ELOVL4: variants seen among roughly 807,000 people sequenced by gnomAD.
ELOVL4 encodes ELOVL fatty acid elongase 4.
Under a neutral mutation model 42.1 loss-of-function variants are expected in ELOVL4, and 18 were observed. The ratio of observed to expected loss-of-function variants is 0.43; its 90% CI spans 0.30 to 0.63. The LOEUF is 0.63. Among genes scored for constraint, ELOVL4 ranks in the 30% least tolerant of loss-of-function variants. The probability of loss-of-function intolerance (pLI) is 0.15; values close to 1 mark genes in which losing one functional copy is unlikely to be tolerated. For synonymous variants in ELOVL4, 117 were observed against 127.0 expected (o/e 0.92, Z 0.53); for missense variants, 299 against 376.2 (o/e 0.79, Z 1.70).
intron 1 of ELOVL4, among the ~76,000 whole-genome samples, chr6:79,933,858 T>TA (rs1361202992): frequency 6.6e-6 from 1 of 152,300 alleles, no homozygotes; most frequent in South Asian, 2.1e-4. Context: ...GATAGGTAGA[T>TA]ACGAAGGTTT....
chr6:79,916,085 A>T lies in ELOVL4; in HGVS notation c.*523T>A, dbSNP rs988770797. 6.3e-6 allele frequency: 1 copy of T among 159,318 alleles called. No individual in the cohort carries two copies. The highest frequency in any genetic ancestry group is 1.8e-4 in the East Asian group (1 of 5,614). 9.9% of individuals were successfully genotyped at this position (159,318 alleles called of 1,614,324 possible). A position where few individuals can be genotyped will look rare whatever the true frequency, so the allele number is the denominator to read the frequency against. The stretch of plus-strand genomic sequence containing the variant: ...TAATTACAACCAAAATTATACTCTG[A>T]CTAGAGGTGGAGAGATTTGACCATT... On this transcript the variant is annotated 3_prime_UTR_variant, in exon 6 of 6. Transcript: ENST00000369816.
rs530801492 is a variant in ELOVL4 at position 79,947,382 on chromosome 6, C to G, written c.-103G>C. On this transcript the variant is annotated 5_prime_UTR_variant, in exon 1 of 6. Transcript: ENST00000369816. ...CGACGGGGCGAGCGGCGGCCGGGAA[C>G]CCCTCTAACGGCGGCGGCCCGGCTG... 3.7e-4 allele frequency: 326 copies of G among 883,164 alleles called. 1 individual carries two copies. The highest frequency in any genetic ancestry group is 2.6e-3 in the African/African-American group (159 of 60,602). 54.7% of individuals were successfully genotyped at this position (883,164 alleles called of 1,614,324 possible).
intron 5 of ELOVL4, among the ~76,000 whole-genome samples, chr6:79,919,077 T>C (rs1417933394): frequency 6.7e-6 from 1 of 149,974 alleles, no homozygotes; most frequent in Non-Finnish European, 1.5e-5. Flanking sequence ...AAATCACCTG[T>C]AGGGAAAAAA....
intron 1 of ELOVL4, among the ~76,000 whole-genome samples, chr6:79,928,345 A>G (rs1774379385): frequency 6.6e-6 from 1 of 152,172 alleles, no homozygotes; most frequent in South Asian, 2.1e-4. Context: ...GGAGATTTTA[A>G]TTCCTAACAT....
intron 1 of ELOVL4, 142 bp from the exon 2 acceptor site, chr6:79,926,523 T>C: frequency 2.5e-6 from 2 of 809,726 alleles, no homozygotes; most frequent in Non-Finnish European, 3.9e-6. Flanking sequence ...CAACAAAAAA[T>C]ACATGGTATA....
chr6:79,926,308 C>G lies in ELOVL4; in HGVS notation c.174G>C (p.Leu58=), dbSNP rs777913257. Reference sequence around the variant, plus strand: ...TCCATTTTGGACCCAGCCACACAAACAGGAGATAAAGAGTGCTTATACTTA... The same window carrying G: ...TCCATTTTGGACCCAGCCACACAAAGAGGAGATAAAGAGTGCTTATACTTA... ...PTLSISTLYL[L]FVWLGPKWMK... The change falls in exon 2 of 6, where the codon CTG becomes CTC. Residue 58 remains leucine (L), a synonymous_variant. Coordinates refer to ENST00000369816, the MANE Select transcript of ELOVL4 (RefSeq NM_022726.4). The G allele has an allele frequency of 2.5e-6, 4 of 1,613,900 alleles. No homozygotes were observed. The East Asian group carries it at 8.9e-5, about 36-fold the overall frequency.
chr6:79,924,911 A>G (rs1774318880), intron 3 of ELOVL4, 41 bp downstream of exon 3: 2 of 1,311,526 alleles, frequency 1.5e-6, no homozygotes, highest in South Asian at 1.2e-5. Context: ...TATAAAAATC[A>G]AACCACTTTT....
At chr6:79,941,269 G>A (rs1386066637) in intron 1 of ELOVL4, among the ~76,000 whole-genome samples, 1 of 152,140 alleles carries the variant, frequency 6.6e-6, no homozygotes, top group Non-Finnish European at 1.5e-5. Flanking sequence ...GAAGGCAAAG[G>A]AACTTGTCCA....
chr6:79,935,784 A>T (rs182398583), intron 1 of ELOVL4, among the ~76,000 whole-genome samples: 1 of 152,338 alleles, frequency 6.6e-6, no homozygotes, highest in East Asian at 1.9e-4. Context: ...TAATAACTTA[A>T]GCATGTTTAA....
intron 1 of ELOVL4, among the ~76,000 whole-genome samples, chr6:79,943,241 C>G (rs1409304983): frequency 6.6e-6 from 1 of 152,146 alleles, no homozygotes; most frequent in Non-Finnish European, 1.5e-5. Flanking sequence ...ATCCCTAAGA[C>G]AAACCTGCTT....
chr6:79,930,359 G>T (rs1416515696), intron 1 of ELOVL4, among the ~76,000 whole-genome samples: 1 of 152,068 alleles, frequency 6.6e-6, no homozygotes, highest in Non-Finnish European at 1.5e-5. Flanking sequence ...CAGCCTCCCA[G>T]GATTATCATG....
intron 1 of ELOVL4, among the ~76,000 whole-genome samples, chr6:79,935,015 T>C (rs1283961518): frequency 2.0e-5 from 3 of 152,142 alleles, no homozygotes; most frequent in Non-Finnish European, 4.4e-5. Context: ...GGAGATAAAA[T>C]ACATAAAAAT....
At chr6:79,928,676 G>A (rs937682597) in intron 1 of ELOVL4, among the ~76,000 whole-genome samples, 47 of 148,222 alleles carry the variant, frequency 3.2e-4, no homozygotes, top group Admixed American at 5.4e-4. Flanking sequence ...AAATAACAGA[G>A]GCATCAGAGA....
intron 4 of ELOVL4, among the ~76,000 whole-genome samples, chr6:79,920,552 G>A (rs1444844320): frequency 6.6e-6 from 1 of 152,148 alleles, no homozygotes; most frequent in East Asian, 1.9e-4. Context: ...TAGACATAAT[G>A]ATGTGTCTTG....
intron 1 of ELOVL4, among the ~76,000 whole-genome samples, chr6:79,933,832 C>T (rs375819861): frequency 1.3e-5 from 2 of 152,130 alleles, no homozygotes; most frequent in Admixed American, 6.5e-5. Context: ...TAGGGAGCTG[C>T]ACTGGCAATG....
At chr6:79,937,056 A>C (rs1398161) in intron 1 of ELOVL4, among the ~76,000 whole-genome samples, 24,620 of 152,182 alleles carry the variant, frequency 0.16, 2,266 homozygotes, top group South Asian at 0.36. Flanking sequence ...GGCTGGGCTA[A>C]AAAATGGCAA....
chr6:79,938,947 T>C (rs977505313), intron 1 of ELOVL4, among the ~76,000 whole-genome samples: 4 of 152,236 alleles, frequency 2.6e-5, no homozygotes, highest in African/African-American at 9.6e-5. Context: ...ATTTGCACTA[T>C]AGTGACCACC....
rs1172450921 is a variant in ELOVL4 at position 79,947,264 on chromosome 6, A to G, written c.16T>C (p.Ser6Pro). 1.2e-6 allele frequency: 2 copies of G among 1,612,390 alleles called. No individual in the cohort carries two copies. The highest frequency in any genetic ancestry group is 4.5e-5 in the East Asian group (2 of 44,800). ...ACGTTTAGGACACTACCCGGCTCCG[A>G]GTCCAGGAGCCCCATCGCGGCGATG... MGLLDSEPGSVLNVVS... is the reference protein window; with the variant it reads MGLLDPEPGSVLNVVS... The change falls in exon 1 of 6, where the codon TCG becomes CCG. Residue 6 changes from serine to proline, a missense_variant. Ser to Pro is a moderately conservative substitution (Grantham distance 74). Transcript: ENST00000369816.
intron 1 of ELOVL4, among the ~76,000 whole-genome samples, chr6:79,930,338 T>C (rs182108669): frequency 9.9e-5 from 15 of 152,270 alleles, no homozygotes; most frequent in African/African-American, 3.1e-4. Flanking sequence ...GTCAGAGAGC[T>C]TTCAAAAATT....
Sources: gnomAD v4.1 joint callset for allele counts (sites outside exome capture counted in the v4.1 genomes callset) on GRCh38, gnomAD v4.1.1 for gene constraint, MANE v1.5 for transcripts, NCBI Gene and HGNC (gene_info 2026-07-23, HGNC 2026-07-21) for gene names.